The following TNIK variants were observed in gnomAD, a reference collection of about 807,000 sequenced individuals.
The protein encoded by TNIK is TRAF2 and NCK interacting kinase, also known as TRAF2 and NCK-interacting protein kinase.
In TNIK, 49 loss-of-function variants were observed where a neutral mutation model predicts 191.3. The observed-to-expected ratio is 0.26, with a 90% CI of 0.20 to 0.32. The LOEUF is 0.32. Among genes scored for constraint, TNIK ranks in the 10% least tolerant of loss-of-function variants. The pLI, the probability that TNIK is intolerant of heterozygous loss-of-function variation, is 1.00. For missense variants in TNIK, 1,155 were observed against 1,702.3 expected (o/e 0.68, Z 5.66); for synonymous variants, 594 against 600.9 (o/e 0.99, Z 0.17).
At position 171,404,865 on chromosome 3, in the gene TNIK, A is replaced by G. The variant is rs75969463; in HGVS notation, c.58-35180T>C. ...CACTCAGCTGTGATGTTTACTCTAG[A>G]CAGTATTTTCTCTATGCCAAGCCTA... On this transcript the variant is annotated intron_variant, in intron 1 of 32. Transcript: ENST00000436636. 8.7e-3 allele frequency among the ~76,000 whole-genome samples: 1,332 copies of G among 152,250 alleles called. 6 individuals are homozygous for G. Among genetic ancestry groups the G allele is most frequent in the Middle Eastern group, 0.031 (9 of 294 alleles).
At chr3:171,120,615 G>A (rs948704407) in intron 18 of TNIK, among the ~76,000 whole-genome samples, 17 of 152,142 alleles carry the variant, frequency 1.1e-4, no homozygotes, top group African/African-American at 1.9e-4. Flanking sequence ...CACCGCGCCC[G>A]GCCTCTTTTT....
At position 171,213,253 on chromosome 3, in the gene TNIK, G is replaced by A. The variant is rs571641202; in HGVS notation, c.181-2012C>T. 3.3e-5 allele frequency among the ~76,000 whole-genome samples: 5 copies of A among 151,894 alleles called. No individual in the cohort carries two copies. In the East Asian group the frequency reaches 9.8e-4, roughly 30 times the overall value. On this transcript the variant is annotated intron_variant, in intron 3 of 32. Transcript: ENST00000436636. The stretch of plus-strand genomic sequence containing the variant: ...TGTATGGGGCCAAATAATTGTGGAC[G>A]AATGTAGGATGTGAGCGGATGTACT...
chr3:171,176,562 G>A (rs942370058), intron 8 of TNIK, among the ~76,000 whole-genome samples: 7 of 152,188 alleles, frequency 4.6e-5, no homozygotes, highest in Admixed American at 4.6e-4. Flanking sequence ...AAGGGTCCCA[G>A]CCTGTCCTGC....
intron 2 of TNIK, among the ~76,000 whole-genome samples, chr3:171,343,251 G>A (rs1711588959): frequency 6.6e-6 from 1 of 152,172 alleles, no homozygotes; most frequent in Non-Finnish European, 1.5e-5. Context: ...TGCTGCATCA[G>A]CCTCAACAGG....
At chr3:171,415,645 T>C (rs1288455029) in intron 1 of TNIK, among the ~76,000 whole-genome samples, 1 of 151,932 alleles carries the variant, frequency 6.6e-6, no homozygotes, top group Non-Finnish European at 1.5e-5. Context: ...CCAACAACTG[T>C]TACAATAGTT....
intron 23 of TNIK, among the ~76,000 whole-genome samples, chr3:171,092,184 G>A (rs568157721): frequency 3.3e-5 from 5 of 152,094 alleles, no homozygotes; most frequent in East Asian, 3.9e-4. Flanking sequence ...TCCTGATCTC[G>A]TGATCCTCCC....
chr3:171,384,600 T>C (rs1372000310), intron 1 of TNIK, among the ~76,000 whole-genome samples: 1 of 152,206 alleles, frequency 6.6e-6, no homozygotes, highest in African/African-American at 2.4e-5. Flanking sequence ...GTCTAATACA[T>C]AAAGACTCTC....
At chr3:171,275,757 C>T (rs1025148934) in intron 2 of TNIK, among the ~76,000 whole-genome samples, 9 of 151,636 alleles carry the variant, frequency 5.9e-5, no homozygotes, top group Admixed American at 3.9e-4. Flanking sequence ...ATTAGCCGGG[C>T]GTGGTGGTGG....
chr3:171,296,889 A>T (rs1484855016), intron 2 of TNIK, among the ~76,000 whole-genome samples: 1 of 152,232 alleles, frequency 6.6e-6, no homozygotes, highest in East Asian at 1.9e-4. Context: ...TGAGTATTCT[A>T]TCTTTACTTT....
chr3:171,288,903 A>G (rs1241483869), intron 2 of TNIK, among the ~76,000 whole-genome samples: 1 of 152,170 alleles, frequency 6.6e-6, no homozygotes, highest in Non-Finnish European at 1.5e-5. Flanking sequence ...TTGGAGAAGT[A>G]GAATGAAATG....
At chr3:171,457,824 T>C (rs1473323837) in intron 1 of TNIK, among the ~76,000 whole-genome samples, 1 of 152,192 alleles carries the variant, frequency 6.6e-6, no homozygotes, top group Non-Finnish European at 1.5e-5. Context: ...AGCCCTAAGC[T>C]GATAGCCCAG....
intron 2 of TNIK, among the ~76,000 whole-genome samples, chr3:171,278,079 T>G (rs1371568217): frequency 6.6e-6 from 1 of 152,184 alleles, no homozygotes; most frequent in African/African-American, 2.4e-5. Context: ...GCCTCTCTCA[T>G]GCACATATAG....
At chr3:171,345,434 G>GT (rs111487201) in intron 2 of TNIK, among the ~76,000 whole-genome samples, 11,336 of 147,468 alleles carry the variant, frequency 0.077, 455 homozygotes, top group South Asian at 0.12. Flanking sequence ...AAAACACCGA[G>GT]TTTTTTTTTT....
In TNIK at chr3:171,063,433, T is replaced by C. The variant is rs150581279; in HGVS notation, c.*448A>G. The C allele has an allele frequency of 3.5e-3, 538 of 153,852 alleles. No homozygotes were observed. Among genetic ancestry groups the C allele is most frequent in the Non-Finnish European group, 6.3e-3 (437 of 69,228 alleles). The allele number at this position is 153,852 out of a possible 1,614,324, so 9.5% of individuals were successfully genotyped here. ...TCTCATCATTGGAAATTTTACAACA[T>C]ACCATATACTTAAAACTAGTAGGCA... On this transcript the variant is annotated 3_prime_UTR_variant, in exon 33 of 33. Transcript: ENST00000436636.
chr3:171,327,900 TAAAAAAAAAA>T (rs71634497), intron 2 of TNIK, among the ~76,000 whole-genome samples: 3,641 of 79,626 alleles, frequency 0.046, 101 homozygotes, highest in South Asian at 0.061. Context: ...ACCTGGCTCA[TAAAAAAAAAA>T]AAAAAAAAAA....
intron 2 of TNIK, among the ~76,000 whole-genome samples, chr3:171,320,399 CA>C (rs1755047524): frequency 6.6e-6 from 1 of 152,108 alleles, no homozygotes; most frequent in African/African-American, 2.4e-5. Context: ...AGAAAATACA[CA>C]GGAAAATGAC....
chr3:171,210,678 T>C (rs544872075), intron 4 of TNIK, among the ~76,000 whole-genome samples: 1 of 152,348 alleles, frequency 6.6e-6, no homozygotes, highest in East Asian at 1.9e-4. Context: ...CCCTGCTAGC[T>C]ATGTAGACTT....
At chr3:171,155,434 A>G (rs1005894504) in intron 12 of TNIK, among the ~76,000 whole-genome samples, 3 of 152,370 alleles carry the variant, frequency 2.0e-5, no homozygotes, top group Admixed American at 6.5e-5. Context: ...TAATCTATCA[A>G]TGCTCTGTGG....
chr3:171,341,473 A>G (rs1033361829), intron 2 of TNIK, among the ~76,000 whole-genome samples: 1 of 2,574 alleles, frequency 3.9e-4, no homozygotes, highest in Non-Finnish European at 1.8e-3. Flanking sequence ...CTCTGTCTCA[A>G]AAAAAAAAAA....
Sources: gnomAD v4.1 joint callset for allele counts (sites outside exome capture counted in the v4.1 genomes callset) on GRCh38, gnomAD v4.1.1 for gene constraint, MANE v1.5 for transcripts, NCBI Gene and HGNC (gene_info 2026-07-23, HGNC 2026-07-21) for gene names.